Variants in THSD4 observed in about 807,000 individuals in gnomAD.
THSD4 encodes thrombospondin type 1 domain containing 4.
Under a neutral mutation model 119.0 loss-of-function variants are expected in THSD4, and 69 were observed. That is an observed-to-expected ratio of 0.58 (90% CI 0.48 to 0.71). The LOEUF (loss-of-function observed/expected upper bound fraction) is 0.71. Among genes scored for constraint, THSD4 ranks in the 30% least tolerant of loss-of-function variants. The pLI is 0.00. For synonymous variants in THSD4, 524 were observed against 540.4 expected (o/e 0.97, Z 0.42); for missense variants, 1,393 against 1,391.1 (o/e 1.00, Z -0.02).
chr15:71,154,342 TGA>T (rs996752914), intron 2 of THSD4, among the ~76,000 whole-genome samples: 8 of 152,262 alleles, frequency 5.3e-5, no homozygotes, highest in African/African-American at 1.9e-4. Flanking sequence ...AGAACATATG[TGA>T]CATCAAAAGG....
intron 6 of THSD4, among the ~76,000 whole-genome samples, chr15:71,306,481 T>C (rs1200216703): frequency 1.3e-5 from 2 of 152,112 alleles, no homozygotes; most frequent in Non-Finnish European, 2.9e-5. Flanking sequence ...TTCAGTACAC[T>C]CTCTGCTTCT....
rs369988328 is a variant in THSD4 at position 71,364,445 on chromosome 15, A to G, written c.1016-47242A>G. Among the ~76,000 whole-genome samples, 6 of 152,368 alleles carry G rather than the reference A, an allele frequency of 3.9e-5. No individual in the cohort carries two copies. The South Asian group carries it at 6.2e-4, about 16-fold the overall frequency. On this transcript the variant is annotated intron_variant, in intron 6 of 17. Transcript: ENST00000261862. Reference sequence around the variant, plus strand: ...CTTATCTGGGGTACTTTAGCTAGACATTAGCTATGTGCCCTTGAGCAAGTT... The same window carrying G: ...CTTATCTGGGGTACTTTAGCTAGACGTTAGCTATGTGCCCTTGAGCAAGTT...
intron 11 of THSD4, among the ~76,000 whole-genome samples, chr15:71,739,656 T>A (rs1033107809): frequency 9.2e-5 from 14 of 152,144 alleles, no homozygotes; most frequent in African/African-American, 3.4e-4. Context: ...GATAATAGCC[T>A]CCTGTTTGTA....
Position 71,109,916 on chromosome 15 carries a change from A to C in THSD4, c.-80+12910A>C, listed in dbSNP as rs138529195. 2.8e-3 allele frequency among the ~76,000 whole-genome samples: 431 copies of C among 152,298 alleles called. 6 individuals are homozygous for C. The highest frequency in any genetic ancestry group is 0.01 in the African/African-American group (419 of 41,566). On this transcript the variant is annotated intron_variant, in intron 1 of 17. Coordinates refer to the THSD4 transcript ENST00000355327. ...TTGTCGTTTGTAGTGCCCTGGTTTT[A>C]TACATAAGCCATATCTGGCCAGTGT... is the stretch of plus-strand genomic sequence containing the variant.
At chr15:71,454,165 G>A (rs1179195092) in intron 7 of THSD4, among the ~76,000 whole-genome samples, 2 of 152,142 alleles carry the variant, frequency 1.3e-5, no homozygotes, top group African/African-American at 4.8e-5. Flanking sequence ...GCTGAGGCAG[G>A]AGAATCGCTT....
At chr15:71,258,458 C>A (rs913920364) in intron 6 of THSD4, among the ~76,000 whole-genome samples, 1 of 152,134 alleles carries the variant, frequency 6.6e-6, no homozygotes, top group Non-Finnish European at 1.5e-5. Flanking sequence ...GGATTACAGA[C>A]GTGAGCCACC....
intron 7 of THSD4, among the ~76,000 whole-genome samples, chr15:71,658,168 C>T (rs1363741697): frequency 6.6e-6 from 1 of 152,214 alleles, no homozygotes; most frequent in Non-Finnish European, 1.5e-5. Context: ...CTCTCCCCTT[C>T]TCCAGACATC....
chr15:71,452,878 G>T (rs1235330061), intron 7 of THSD4, among the ~76,000 whole-genome samples: 1 of 152,224 alleles, frequency 6.6e-6, no homozygotes, highest in African/African-American at 2.4e-5. Context: ...GCCTCCCAAA[G>T]TCCTGGGATT....
rs566656245 is a variant in THSD4, at chr15:71,393,161, G to C, written c.1016-18526G>C. Among the ~76,000 whole-genome samples, 140 of 151,972 alleles carry C rather than the reference G, an allele frequency of 9.2e-4. 4 individuals carry two copies. In the South Asian group the frequency reaches 0.027, roughly 30 times the overall value. On this transcript the variant is annotated intron_variant, in intron 6 of 17. Coordinates refer to ENST00000261862, the MANE Select transcript of THSD4 (RefSeq NM_024817.3). ...AGGGGGATTATGCCCCCTGCGTTCA[G>C]TTCCAGTTGAATGTGGAGGGCTGCA...
intron 2 of THSD4, 125 bp downstream of exon 2, chr15:71,141,681 T>C (rs1011407841): frequency 2.7e-6 from 3 of 1,117,496 alleles, no homozygotes; most frequent in Non-Finnish European, 3.8e-6. Context: ...TTTGATATAA[T>C]ACGTCCACTT....
At chr15:71,597,320 T>C (rs2049923483) in intron 7 of THSD4, among the ~76,000 whole-genome samples, 1 of 152,190 alleles carries the variant, frequency 6.6e-6, no homozygotes, top group African/African-American at 2.4e-5. Context: ...ATATGTATTA[T>C]ACCTTGCAAA....
chr15:71,643,779 G>C (rs558876778), intron 7 of THSD4, among the ~76,000 whole-genome samples: 2 of 152,130 alleles, frequency 1.3e-5, no homozygotes, highest in African/African-American at 4.8e-5. Context: ...ATGCCTTAGC[G>C]TTTACTTTAT....
intron 4 of THSD4, among the ~76,000 whole-genome samples, chr15:71,227,577 C>T (rs959748973): frequency 2.0e-5 from 3 of 152,204 alleles, no homozygotes; most frequent in Non-Finnish European, 4.4e-5. Flanking sequence ...TTTTGCAGGA[C>T]CTACTATGTG....
At chr15:71,758,348 T>C (rs371646938) in intron 15 of THSD4, among the ~76,000 whole-genome samples, 105 of 152,352 alleles carry the variant, frequency 6.9e-4, no homozygotes, top group African/African-American at 2.0e-3. Context: ...TGGCCTAGCA[T>C]GCTTTCCTCA....
At chr15:71,660,822 C>T (rs539770031) in intron 8 of THSD4, 88 bp downstream of exon 8, 37 of 1,466,204 alleles carry the variant, frequency 2.5e-5, no homozygotes, top group South Asian at 3.7e-5. Flanking sequence ...CAGCAGTGTC[C>T]GAGAGTCCCG....
intron 7 of THSD4, among the ~76,000 whole-genome samples, chr15:71,613,808 C>G (rs1555432212): frequency 6.6e-6 from 1 of 152,118 alleles, no homozygotes; most frequent in Non-Finnish European, 1.5e-5. Flanking sequence ...ATATTTTGGC[C>G]AAATTCCCTG....
At chr15:71,455,012 C>T (rs1315650967) in intron 7 of THSD4, among the ~76,000 whole-genome samples, 1 of 152,206 alleles carries the variant, frequency 6.6e-6, no homozygotes, top group African/African-American at 2.4e-5. Flanking sequence ...CTCTCCCTTC[C>T]TATGCCCACC....
intron 7 of THSD4, among the ~76,000 whole-genome samples, chr15:71,607,356 C>G (rs531018387): frequency 6.6e-6 from 1 of 152,168 alleles, no homozygotes; most frequent in Non-Finnish European, 1.5e-5. Flanking sequence ...TGACAAGGAG[C>G]CTGAGAGGTG....
intron 6 of THSD4, among the ~76,000 whole-genome samples, chr15:71,310,828 TTGG>T (rs2045100859): frequency 6.6e-6 from 1 of 152,172 alleles, no homozygotes; most frequent in Non-Finnish European, 1.5e-5. Context: ...CTGTCTAGCC[TTGG>T]TGGAGAATGG....
Sources: gnomAD v4.1 joint callset for allele counts (sites outside exome capture counted in the v4.1 genomes callset) on GRCh38, gnomAD v4.1.1 for gene constraint, MANE v1.5 for transcripts, NCBI Gene and HGNC (gene_info 2026-07-23, HGNC 2026-07-21) for gene names.